BNC2: variants seen among roughly 807,000 people sequenced by gnomAD.
BNC2 encodes the protein zinc finger protein basonuclin-2.
In BNC2, 20 loss-of-function variants were observed where a neutral mutation model predicts 76.3. The ratio of observed to expected loss-of-function variants is 0.26; its 90% CI spans 0.18 to 0.38. The LOEUF (loss-of-function observed/expected upper bound fraction) is 0.38. Ranked by LOEUF, BNC2 falls within the 10% of genes least tolerant of loss-of-function variation. The pLI, the probability that BNC2 is intolerant of heterozygous loss-of-function variation, is 1.00. For missense variants in BNC2, 1,382 were observed against 1,399.8 expected, an observed-to-expected ratio of 0.99 and a Z score of 0.20; for synonymous variants, 582 against 514.8, an observed-to-expected ratio of 1.13 and a Z score of -1.77.
chr9:16,469,970 C>T (rs1209346711), intron 5 of BNC2, among the ~76,000 whole-genome samples: 1 of 150,238 alleles, frequency 6.7e-6, no homozygotes, highest in Non-Finnish European at 1.5e-5. Flanking sequence ...GCACTCAACA[C>T]TTGCATGCTG....
At chr9:16,711,831 G>T (rs564054896) in intron 3 of BNC2, among the ~76,000 whole-genome samples, 1 of 152,274 alleles carries the variant, frequency 6.6e-6, no homozygotes, top group East Asian at 1.9e-4. Context: ...ATACTAAAAG[G>T]CAAATTAAAG....
At chr9:16,777,850 G>T (rs1826012846) in intron 1 of BNC2, among the ~76,000 whole-genome samples, 1 of 152,064 alleles carries the variant, frequency 6.6e-6, no homozygotes. Flanking sequence ...AATAAGTATG[G>T]TACTCCCATA....
At chr9:16,461,788 C>T (rs1159030290) in intron 5 of BNC2, among the ~76,000 whole-genome samples, 1 of 152,198 alleles carries the variant, frequency 6.6e-6, no homozygotes, top group Non-Finnish European at 1.5e-5. Flanking sequence ...CAGGGACTCA[C>T]AACCTTCTTG....
chr9:16,626,008 T>C (rs1008109406), intron 3 of BNC2: 5 of 152,188 alleles, frequency 3.3e-5, no homozygotes, highest in African/African-American at 1.2e-4. Context: ...CTAGATACCA[T>C]TAGCATTACA....
At chr9:16,598,174 T>C (rs1056482657) in intron 3 of BNC2, among the ~76,000 whole-genome samples, 4 of 152,224 alleles carry the variant, frequency 2.6e-5, no homozygotes, top group Non-Finnish European at 4.4e-5. Context: ...TCTAAGAAAT[T>C]GAAATCTGCT....
At chr9:16,691,809 A>ATT (rs35924079) in intron 3 of BNC2, among the ~76,000 whole-genome samples, 40 of 129,484 alleles carry the variant, frequency 3.1e-4, no homozygotes, top group African/African-American at 1.1e-3. Flanking sequence ...GTGCCCAGCC[A>ATT]TTTTTTTTTT....
At chr9:16,686,591 T>G (rs1003226555) in intron 3 of BNC2, among the ~76,000 whole-genome samples, 1 of 152,206 alleles carries the variant, frequency 6.6e-6, no homozygotes, top group African/African-American at 2.4e-5. Context: ...AGCACTCCTC[T>G]GTTTTGTTTT....
chr9:16,787,441 C>T (rs1826327044), intron 1 of BNC2, among the ~76,000 whole-genome samples: 1 of 152,166 alleles, frequency 6.6e-6, no homozygotes, highest in African/African-American at 2.4e-5. Context: ...GAGTTTAAAT[C>T]CCAGCTCTGC....
At chr9:16,869,929 C>A (rs907862705) in intron 1 of BNC2, among the ~76,000 whole-genome samples, 1 of 152,176 alleles carries the variant, frequency 6.6e-6, no homozygotes, top group Non-Finnish European at 1.5e-5. Context: ...GCCCCAAATC[C>A]CACCCTCCAG....
At chr9:16,483,807 G>A (rs924421059) in intron 5 of BNC2, among the ~76,000 whole-genome samples, 1 of 152,156 alleles carries the variant, frequency 6.6e-6, no homozygotes, top group African/African-American at 2.4e-5. Context: ...TGAGCAAAAG[G>A]ACTTGAGAGC....
In BNC2 at chr9:16,459,317, G is replaced by A. The variant is rs1324984079; in HGVS notation, c.670-21793C>T. 3.9e-5 allele frequency among the ~76,000 whole-genome samples: 6 copies of A among 152,184 alleles called. No individual in the cohort carries two copies. In the South Asian group the frequency reaches 1.2e-3, roughly 32 times the overall value. On this transcript the variant is annotated intron_variant, in intron 5 of 6. Coordinates refer to ENST00000380672, the MANE Select transcript of BNC2 (RefSeq NM_017637.6). ...GGAAACAAGAAACACAACTGAGGGT[G>A]TACTTTATAAACAGCATTCAGGGAG...
intron 3 of BNC2, among the ~76,000 whole-genome samples, chr9:16,619,991 T>C (rs1438556279): frequency 2.6e-5 from 4 of 152,208 alleles, no homozygotes; most frequent in Admixed American, 6.5e-5. Flanking sequence ...TTCAATGCAC[T>C]CAGGAAATTA....
At chr9:16,819,160 C>T (rs1464964539) in intron 1 of BNC2, among the ~76,000 whole-genome samples, 1 of 152,168 alleles carries the variant, frequency 6.6e-6, no homozygotes, top group East Asian at 1.9e-4. Flanking sequence ...AACCTATAAG[C>T]TGTCTGTACA....
At chr9:16,639,438 G>A (rs1169961264) in intron 3 of BNC2, among the ~76,000 whole-genome samples, 1 of 152,140 alleles carries the variant, frequency 6.6e-6, no homozygotes, top group East Asian at 1.9e-4. Flanking sequence ...ATGATTTCAA[G>A]TTTTAAGAAA....
chr9:16,624,738 T>A (rs1820946967), intron 3 of BNC2, among the ~76,000 whole-genome samples: 1 of 152,210 alleles, frequency 6.6e-6, no homozygotes, highest in Admixed American at 6.5e-5. Context: ...GAAGTCATGT[T>A]TTTAAAAAAA....
intron 5 of BNC2, among the ~76,000 whole-genome samples, chr9:16,449,576 T>C (rs1037076222): frequency 6.6e-6 from 1 of 152,200 alleles, no homozygotes; most frequent in African/African-American, 2.4e-5. Flanking sequence ...TTGCTATGTT[T>C]ATCTGCCATT....
At chr9:16,660,367 T>C (rs566724425) in intron 3 of BNC2, among the ~76,000 whole-genome samples, 3 of 151,180 alleles carry the variant, frequency 2.0e-5, no homozygotes, top group East Asian at 3.9e-4. Context: ...GGAAGGAGAA[T>C]AGCTTGAACC....
chr9:16,724,550 GA>G (rs1824257222), intron 3 of BNC2, among the ~76,000 whole-genome samples: 1 of 151,974 alleles, frequency 6.6e-6, no homozygotes, highest in Non-Finnish European at 1.5e-5. Flanking sequence ...GAGTATAGAA[GA>G]AAAAATGTAC....
intron 1 of BNC2, among the ~76,000 whole-genome samples, chr9:16,790,730 G>C (rs538095131): frequency 6.7e-6 from 1 of 149,896 alleles, no homozygotes; most frequent in African/African-American, 2.4e-5. Flanking sequence ...AACTGACTTT[G>C]ATAAGTTAGT....
Sources: gnomAD v4.1 joint callset for allele counts (sites outside exome capture counted in the v4.1 genomes callset) on GRCh38, gnomAD v4.1.1 for gene constraint, MANE v1.5 for transcripts, NCBI Gene and HGNC (gene_info 2026-07-23, HGNC 2026-07-21) for gene names.